Variants in PKN2 observed in about 807,000 individuals in gnomAD.
The protein encoded by PKN2 is serine/threonine-protein kinase N2.
In PKN2, 38 loss-of-function variants were observed where a neutral mutation model predicts 119.1. That is an observed-to-expected ratio of 0.32 (90% CI 0.25 to 0.42). The LOEUF (loss-of-function observed/expected upper bound fraction) is 0.42. PKN2 is among the 10% of genes least tolerant of loss of function. The probability of loss-of-function intolerance (pLI) is 1.00; values close to 1 mark genes in which losing one functional copy is unlikely to be tolerated. For synonymous variants in PKN2, 390 were observed against 384.9 expected (o/e 1.01, Z -0.15); for missense variants, 850 against 1,165.1 (o/e 0.73, Z 3.94).
At chr1:88,788,216 C>G (rs1670662612) in intron 8 of PKN2, among the ~76,000 whole-genome samples, 1 of 152,036 alleles carries the variant, frequency 6.6e-6, no homozygotes, top group South Asian at 2.1e-4. Context: ...CTAGAATGAT[C>G]TAGAAAAATT....
chr1:88,760,591 C>T (rs1021203540), intron 3 of PKN2, among the ~76,000 whole-genome samples: 1 of 152,010 alleles, frequency 6.6e-6, no homozygotes, highest in African/African-American at 2.4e-5. Flanking sequence ...GGTGATTTTG[C>T]CTTCTTAAGC....
At chr1:88,766,182 A>G (rs1184902740) in intron 3 of PKN2, among the ~76,000 whole-genome samples, 1 of 152,216 alleles carries the variant, frequency 6.6e-6, no homozygotes, top group Non-Finnish European at 1.5e-5. Context: ...AATCATCTAT[A>G]TGTCTTCTAG....
Position 88,835,195 on chromosome 1 carries a change from A to C in PKN2, c.*1747A>C, listed in dbSNP as rs1340737766. ...ATTACCCAAGATCCTTTGGGAGAAA[A>C]TCTTATAGAATGGGGGAACAATATG... On this transcript the variant is annotated 3_prime_UTR_variant, in exon 22 of 22. Coordinates refer to ENST00000370521, the MANE Select transcript of PKN2 (RefSeq NM_006256.4). 1.3e-5 allele frequency: 2 copies of C among 152,166 alleles called. No individual in the cohort carries two copies. Among genetic ancestry groups the C allele is most frequent in the Non-Finnish European group, 2.9e-5 (2 of 67,912 alleles). 9.4% of individuals were successfully genotyped at this position (152,166 alleles called of 1,614,324 possible). A position where few individuals can be genotyped will look rare whatever the true frequency, so the allele number is the denominator to read the frequency against.
intron 1 of PKN2, among the ~76,000 whole-genome samples, chr1:88,734,433 GT>G (rs1668261654): frequency 6.6e-6 from 1 of 152,148 alleles, no homozygotes; most frequent in Non-Finnish European, 1.5e-5. Flanking sequence ...TGGATATCCA[GT>G]TTTCCCAACA....
chr1:88,806,625 G>A (rs947010143), intron 12 of PKN2, among the ~76,000 whole-genome samples: 4 of 152,184 alleles, frequency 2.6e-5, no homozygotes, highest in African/African-American at 9.6e-5. Context: ...GGTAATATAG[G>A]AGTGTGGTTG....
intron 1 of PKN2, among the ~76,000 whole-genome samples, chr1:88,739,697 A>T (rs146343483): frequency 6.6e-6 from 1 of 152,338 alleles, no homozygotes; most frequent in East Asian, 1.9e-4. Flanking sequence ...TTTAAATCCA[A>T]TGGTATTATA....
chr1:88,802,328 AT>A (rs1038007038), intron 8 of PKN2, among the ~76,000 whole-genome samples: 303 of 144,592 alleles, frequency 2.1e-3, no homozygotes, highest in Non-Finnish European at 2.2e-3. Flanking sequence ...ATAAATTTTA[AT>A]TTTTTTTTTT....
chr1:88,730,317 C>G (rs1180073738), intron 1 of PKN2, among the ~76,000 whole-genome samples: 1 of 152,204 alleles, frequency 6.6e-6, no homozygotes, highest in African/African-American at 2.4e-5. Flanking sequence ...ATCAGGGACC[C>G]AGAAACAAGA....
intron 2 of PKN2, among the ~76,000 whole-genome samples, chr1:88,753,229 C>A (rs532192428): frequency 1.4e-4 from 21 of 152,100 alleles, no homozygotes; most frequent in Non-Finnish European, 3.1e-4. Context: ...CACTTCATGA[C>A]TTTTTTATTT....
chr1:88,782,671 G>A (rs559187009), intron 6 of PKN2, among the ~76,000 whole-genome samples: 14 of 151,408 alleles, frequency 9.2e-5, no homozygotes, highest in African/African-American at 1.9e-4. Context: ...CTAGAAATTT[G>A]GTTTAAGTCT....
chr1:88,710,357 A>G (rs1667177852), intron 1 of PKN2, among the ~76,000 whole-genome samples: 3 of 152,318 alleles, frequency 2.0e-5, no homozygotes, highest in Admixed American at 1.3e-4. Flanking sequence ...TATACTTAAT[A>G]TATTGAGGAG....
At chr1:88,802,185 A>T (rs1031745108) in intron 8 of PKN2, among the ~76,000 whole-genome samples, 1 of 152,194 alleles carries the variant, frequency 6.6e-6, no homozygotes, top group Non-Finnish European at 1.5e-5. Context: ...TTATTTTTAA[A>T]TCAAGATGAG....
rs759658716 is a variant in PKN2, at chr1:88,760,305, T to C, written c.433T>C (p.Leu145=). ...TAGATTGAAGGCCTTACAAAAACAA[T>C]TGGATATAGAACTTAAAGTAAAACA... ...NNRLKALQKQ[L]DIELKVKQGA... The change falls in exon 3 of 22, where the codon TTG becomes CTG. Residue 145 remains leucine, a synonymous_variant. Transcript: ENST00000370521. 9.6e-6 allele frequency: 15 copies of C among 1,562,682 alleles called. No individual in the cohort carries two copies. Among genetic ancestry groups the C allele is most frequent in the South Asian group, 3.4e-5 (3 of 89,380 alleles).
At chr1:88,794,714 G>A (rs1379461293) in intron 8 of PKN2, among the ~76,000 whole-genome samples, 2 of 152,046 alleles carry the variant, frequency 1.3e-5, no homozygotes, top group African/African-American at 2.4e-5. Context: ...TTATCACAAA[G>A]CTAGATATTT....
At chr1:88,706,769 GAT>G (rs1156728460) in intron 1 of PKN2, among the ~76,000 whole-genome samples, 2 of 151,964 alleles carry the variant, frequency 1.3e-5, no homozygotes, top group African/African-American at 2.4e-5. Context: ...CACAGTTTTT[GAT>G]ATGTTTTCAT....
intron 15 of PKN2, among the ~76,000 whole-genome samples, chr1:88,808,682 A>C (rs536188773): frequency 6.6e-6 from 1 of 152,218 alleles, no homozygotes; most frequent in African/African-American, 2.4e-5. Context: ...AAAAATGACT[A>C]TCTTAATACA....
intron 4 of PKN2, among the ~76,000 whole-genome samples, chr1:88,770,736 C>A (rs1324760938): frequency 6.6e-6 from 1 of 151,630 alleles, no homozygotes; most frequent in Non-Finnish European, 1.5e-5. Context: ...CAGGCGTCCG[C>A]CACTACGCCC....
intron 12 of PKN2, among the ~76,000 whole-genome samples, 181 bp from the exon 13 acceptor site, chr1:88,807,132 A>G (rs931571485): frequency 6.6e-6 from 1 of 152,156 alleles, no homozygotes; most frequent in African/African-American, 2.4e-5. Context: ...TCTAGGCAAC[A>G]TAGTGAGACC....
intron 8 of PKN2, among the ~76,000 whole-genome samples, chr1:88,804,185 T>C (rs928179133): frequency 1.3e-5 from 2 of 152,188 alleles, no homozygotes; most frequent in African/African-American, 4.8e-5. Flanking sequence ...CAATGTAAGT[T>C]TTGTTTCTTT....
Sources: gnomAD v4.1 joint callset for allele counts (sites outside exome capture counted in the v4.1 genomes callset) on GRCh38, gnomAD v4.1.1 for gene constraint, MANE v1.5 for transcripts, NCBI Gene and HGNC (gene_info 2026-07-23, HGNC 2026-07-21) for gene names.